Variants in KCND2 observed in about 807,000 individuals in gnomAD.
KCND2 encodes potassium voltage-gated channel subfamily D member 2, also known as A-type voltage-gated potassium channel KCND2.
Under a neutral mutation model 54.4 loss-of-function variants are expected in KCND2, and 16 were observed. The ratio of observed to expected loss-of-function variants is 0.29; its 90% CI spans 0.20 to 0.45. The LOEUF (loss-of-function observed/expected upper bound fraction) is 0.45, where lower values mean the gene tolerates loss of function less well. Ranked by LOEUF, KCND2 falls within the 20% of genes least tolerant of loss-of-function variation. The pLI is 1.00. For synonymous variants in KCND2, 317 were observed against 310.7 expected (o/e 1.02, Z -0.21); for missense variants, 486 against 824.2 (o/e 0.59, Z 5.02).
chr7:120,454,786 T>G (rs919235498), intron 1 of KCND2, among the ~76,000 whole-genome samples: 2 of 152,174 alleles, frequency 1.3e-5, no homozygotes, highest in Non-Finnish European at 2.9e-5. Flanking sequence ...GAAAACCTCA[T>G]AGTCTCTGTC....
chr7:120,710,724 T>C (rs1245929769), intron 1 of KCND2, among the ~76,000 whole-genome samples: 3 of 152,124 alleles, frequency 2.0e-5, no homozygotes, highest in Non-Finnish European at 2.9e-5. Flanking sequence ...AGTTTTTAGG[T>C]CTGTTTGACA....
intron 1 of KCND2, among the ~76,000 whole-genome samples, chr7:120,550,815 A>G (rs1237569142): frequency 1.3e-5 from 2 of 152,208 alleles, no homozygotes; most frequent in Non-Finnish European, 1.5e-5. Flanking sequence ...TCACTTTCAT[A>G]TGGACTTTCC....
intron 1 of KCND2, among the ~76,000 whole-genome samples, chr7:120,344,476 C>T (rs1167611327): frequency 6.6e-6 from 1 of 152,088 alleles, no homozygotes. Flanking sequence ...TTAATCATAG[C>T]CCACTTCCTT....
chr7:120,630,962 G>A (rs757830705), intron 1 of KCND2, among the ~76,000 whole-genome samples: 5 of 152,096 alleles, frequency 3.3e-5, no homozygotes, highest in African/African-American at 1.2e-4. Flanking sequence ...AAAATCTTTG[G>A]TTTAGTGATT....
At chr7:120,456,145 T>C (rs1246798290) in intron 1 of KCND2, among the ~76,000 whole-genome samples, 1 of 152,208 alleles carries the variant, frequency 6.6e-6, no homozygotes, top group African/African-American at 2.4e-5. Flanking sequence ...AACTTAGCTT[T>C]TATCTAACTC....
At chr7:120,386,043 G>T (rs1800983318) in intron 1 of KCND2, among the ~76,000 whole-genome samples, 2 of 152,004 alleles carry the variant, frequency 1.3e-5, no homozygotes, top group African/African-American at 4.8e-5. Flanking sequence ...TCTGTGCAAG[G>T]CTCACCTTTT....
At chr7:120,698,609 G>A (rs1792361298) in intron 1 of KCND2, among the ~76,000 whole-genome samples, 1 of 152,180 alleles carries the variant, frequency 6.6e-6, no homozygotes, top group Non-Finnish European at 1.5e-5. Flanking sequence ...AATAATGAAG[G>A]AAATTATTCA....
intron 1 of KCND2, among the ~76,000 whole-genome samples, chr7:120,638,837 G>A (rs1331812311): frequency 1.3e-5 from 2 of 152,072 alleles, no homozygotes; most frequent in Admixed American, 6.6e-5. Context: ...TAGTAAAGAT[G>A]TATAGATTAC....
chr7:120,372,788 C>T (rs1800782512), intron 1 of KCND2, among the ~76,000 whole-genome samples: 1 of 151,596 alleles, frequency 6.6e-6, no homozygotes, highest in African/African-American at 2.4e-5. Context: ...TTTCTTTTTC[C>T]AAAGAGGAAC....
Position 120,437,923 on chromosome 7 carries a change from C to A in KCND2, c.1115+162176C>A, listed in dbSNP as rs929170069. On this transcript the variant is annotated intron_variant, in intron 1 of 5. Transcript: ENST00000331113. ...GAATTAATGCCTCTTGGATGATGCTCCCTAAAAACCACTTCTCTGACCTGA... is the reference window on the plus strand; with the variant it reads ...GAATTAATGCCTCTTGGATGATGCTACCTAAAAACCACTTCTCTGACCTGA... Among the ~76,000 whole-genome samples, 6 of 152,236 alleles carry A rather than the reference C, an allele frequency of 3.9e-5. No individual in the cohort carries two copies. In the East Asian group the frequency reaches 1.2e-3, roughly 29 times the overall value.
chr7:120,682,492 A>G (rs756447603), intron 1 of KCND2, among the ~76,000 whole-genome samples: 2 of 152,228 alleles, frequency 1.3e-5, no homozygotes, highest in African/African-American at 4.8e-5. Context: ...ACAAAAATAC[A>G]TATTCAAAAA....
chr7:120,714,979 A>G (rs1792585245), intron 1 of KCND2, among the ~76,000 whole-genome samples: 1 of 152,110 alleles, frequency 6.6e-6, no homozygotes. Context: ...TTGAGAATCA[A>G]GCACTTACAT....
intron 1 of KCND2, among the ~76,000 whole-genome samples, chr7:120,672,205 T>A (rs1792000989): frequency 6.6e-6 from 1 of 152,044 alleles, no homozygotes; most frequent in Admixed American, 6.5e-5. Flanking sequence ...TTGACTCCTG[T>A]TACTCCTTCC....
chr7:120,612,591 C>A (rs1792970395), intron 1 of KCND2, among the ~76,000 whole-genome samples: 1 of 152,054 alleles, frequency 6.6e-6, no homozygotes, highest in Non-Finnish European at 1.5e-5. Flanking sequence ...AAGTTTATAT[C>A]AAATATTCAG....
At chr7:120,737,427 A>C (rs1792889323) in intron 2 of KCND2, among the ~76,000 whole-genome samples, 2 of 151,868 alleles carry the variant, frequency 1.3e-5, no homozygotes, top group African/African-American at 4.8e-5. Flanking sequence ...TTCAGTTCTC[A>C]CCGCTTCCAC....
At chr7:120,722,544 T>G (rs1435207237) in intron 1 of KCND2, among the ~76,000 whole-genome samples, 2 of 151,980 alleles carry the variant, frequency 1.3e-5, no homozygotes, top group Non-Finnish European at 2.9e-5. Context: ...ACTTAAGGAG[T>G]AGATAAATAG....
chr7:120,368,836 A>G (rs1800723021), intron 1 of KCND2, among the ~76,000 whole-genome samples: 2 of 152,106 alleles, frequency 1.3e-5, no homozygotes, highest in African/African-American at 2.4e-5. Context: ...AGGATAAAGG[A>G]CAGAATTAAA....
chr7:120,725,306 T>G (rs537470289), intron 1 of KCND2, among the ~76,000 whole-genome samples: 1 of 152,208 alleles, frequency 6.6e-6, no homozygotes, highest in Non-Finnish European at 1.5e-5. Flanking sequence ...TAAGGGTTTC[T>G]TATTTAAAAT....
At chr7:120,632,905 A>C (rs1053203448) in intron 1 of KCND2, among the ~76,000 whole-genome samples, 1 of 152,208 alleles carries the variant, frequency 6.6e-6, no homozygotes, top group Non-Finnish European at 1.5e-5. Context: ...GCAAAGAAAC[A>C]TGAGTAATCT....
Sources: gnomAD v4.1 joint callset for allele counts (sites outside exome capture counted in the v4.1 genomes callset) on GRCh38, gnomAD v4.1.1 for gene constraint, MANE v1.5 for transcripts, NCBI Gene and HGNC (gene_info 2026-07-23, HGNC 2026-07-21) for gene names.